Variants in RABGEF1 observed in about 807,000 individuals in gnomAD.
RABGEF1 encodes the protein rab5 GDP/GTP exchange factor.
Under a neutral mutation model 57.3 loss-of-function variants are expected in RABGEF1, and 26 were observed. The observed-to-expected ratio is 0.45, with a 90% CI of 0.33 to 0.63. The LOEUF is 0.63. Ranked by LOEUF, RABGEF1 falls within the 20% of genes least tolerant of loss-of-function variation. RABGEF1 has a pLI of 0.02. For synonymous variants in RABGEF1, 185 were observed against 210.7 expected, an observed-to-expected ratio of 0.88 and a Z score of 1.06; for missense variants, 464 against 607.6, an observed-to-expected ratio of 0.76 and a Z score of 2.48.
At chr7:66,715,209 C>G (rs1795243561) in intron 2 of RABGEF1, among the ~76,000 whole-genome samples, 2 of 152,140 alleles carry the variant, frequency 1.3e-5, no homozygotes, top group Admixed American at 6.6e-5. Context: ...CTCACTGCAT[C>G]CTCAAACTCA....
At chr7:66,671,089 C>T in the RABGEF1 span, among the ~76,000 whole-genome samples, 1 of 151,984 alleles carries the variant, frequency 6.6e-6, no homozygotes, top group African/African-American at 2.4e-5. Flanking sequence ...TCTCAAGCTC[C>T]TGGCCTTGGG....
intron 1 of RABGEF1, among the ~76,000 whole-genome samples, chr7:66,707,326 T>C (rs773750717): frequency 1.3e-5 from 2 of 152,224 alleles, no homozygotes. Flanking sequence ...GGATGTTCTA[T>C]AGATGTTCGT....
At chr7:66,727,227 G>T in intron 2 of RABGEF1, among the ~76,000 whole-genome samples, 1 of 152,146 alleles carries the variant, frequency 6.6e-6, no homozygotes, top group East Asian at 1.9e-4. Flanking sequence ...ATGGAAGGTG[G>T]GGTGGACCTC....
In RABGEF1 at chr7:66,731,701, A is replaced by G. The variant is rs538648162; in HGVS notation, c.-814-8295A>G. Reference sequence around the variant, plus strand: ...CACTGCACTCCAGCCTGGGTGACAGAGAGCGAGACCTTGTCTAACATCAGG... The same window carrying G: ...CACTGCACTCCAGCCTGGGTGACAGGGAGCGAGACCTTGTCTAACATCAGG... On this transcript the variant is annotated intron_variant and NMD_transcript_variant, in intron 2 of 9. Coordinates refer to the RABGEF1 transcript ENST00000607882. Among the ~76,000 whole-genome samples, 8 of 152,256 alleles carry G rather than the reference A, an allele frequency of 5.3e-5. 1 individual carries two copies. In the South Asian group the frequency reaches 1.7e-3, roughly 32 times the overall value.
At position 66,783,721 on chromosome 7, in the gene RABGEF1, C is replaced by G; in HGVS notation, c.393C>G (p.Thr131=). 6.2e-7 allele frequency: 1 copy of G among 1,611,570 alleles called. No homozygotes were observed. The highest frequency in any genetic ancestry group is 8.5e-7 in the Non-Finnish European group (1 of 1,178,646). ...CCAGTCCTTCCATAAACCGGCAAACCAGCATTGAAACGGATAGAGTGTCTA... is the reference window on the plus strand; with the variant it reads ...CCAGTCCTTCCATAAACCGGCAAACGAGCATTGAAACGGATAGAGTGTCTA... ...KAPSPSINRQ[T]SIETDRVSKE... Residue 131 remains threonine, a synonymous_variant, in exon 4 of 9, where the codon ACC becomes ACG. Coordinates refer to ENST00000284957, the MANE Select transcript of RABGEF1 (RefSeq NM_014504.3).
At chr7:66,687,401 C>T (rs1790834239) in intron 1 of RABGEF1, among the ~76,000 whole-genome samples, 1 of 150,026 alleles carries the variant, frequency 6.7e-6, no homozygotes, top group Non-Finnish European at 1.5e-5. Context: ...GCTGAGATTG[C>T]AGGCATGAGC....
intron 1 of RABGEF1, among the ~76,000 whole-genome samples, chr7:66,693,990 G>A (rs553345267): frequency 6.6e-6 from 1 of 152,044 alleles, no homozygotes; most frequent in South Asian, 2.1e-4. Context: ...TGTATTTTTA[G>A]TAGAGACGGG....
At chr7:66,775,487 A>C (rs1808307800) in intron 3 of RABGEF1, 94 bp downstream of exon 3, 1 of 1,458,014 alleles carries the variant, frequency 6.9e-7, no homozygotes, top group East Asian at 2.4e-5. Flanking sequence ...AATTTCTGTC[A>C]ACTTTTTGAG....
upstream of RABGEF1, among the ~76,000 whole-genome samples, chr7:66,681,093 A>G (rs1425310166): frequency 4.6e-5 from 7 of 152,116 alleles, no homozygotes; most frequent in Non-Finnish European, 8.8e-5. Flanking sequence ...AAAAGAAAAA[A>G]AGAAGACTGA....
chr7:66,809,010 C>T lies in RABGEF1; in HGVS notation c.1202C>T (p.Pro401Leu). The T allele has an allele frequency of 6.2e-7, 1 of 1,614,158 alleles. No individual in the cohort carries two copies. The highest frequency in any genetic ancestry group is 1.1e-5 in the South Asian group (1 of 91,080). The change falls in exon 9 of 9, where the codon CCT (proline) becomes CTT (leucine). Residue 401 changes from proline to leucine, a missense_variant. Coordinates refer to ENST00000284957, the MANE Select transcript of RABGEF1 (RefSeq NM_014504.3). Reference sequence around the variant, plus strand: ...AAGCAAGAAGCTGAGAGTTGGTCTCCTGATGCTTGCTTAGGCGTCAAGCAA... The same window carrying T: ...AAGCAAGAAGCTGAGAGTTGGTCTCTTGATGCTTGCTTAGGCGTCAAGCAA... The part of the protein sequence containing the change: ...PRKQEAESWS[P>L]DACLGVKQMY...
At chr7:66,670,012 C>T in the RABGEF1 span, among the ~76,000 whole-genome samples, 2 of 152,176 alleles carry the variant, frequency 1.3e-5, no homozygotes, top group Admixed American at 1.3e-4. Context: ...TCCTCTCTAC[C>T]CCCAACAGCC....
chr7:66,663,100 AGC>A, the RABGEF1 span, among the ~76,000 whole-genome samples: 1 of 152,236 alleles, frequency 6.6e-6, no homozygotes, highest in Non-Finnish European at 1.5e-5. Context: ...TAATAACATG[AGC>A]GCTCTGTGTC....
chr7:66,720,641 GGCAA>G (rs1795942026), intron 2 of RABGEF1, among the ~76,000 whole-genome samples: 1 of 152,084 alleles, frequency 6.6e-6, no homozygotes, highest in Non-Finnish European at 1.5e-5. Flanking sequence ...TTAGAAACAA[GGCAA>G]GCATGTCCAC....
chr7:66,806,379 AG>A (rs908519593), intron 8 of RABGEF1, among the ~76,000 whole-genome samples: 2 of 152,112 alleles, frequency 1.3e-5, no homozygotes, highest in African/African-American at 4.8e-5. Context: ...AAATTGTATA[AG>A]CTTCAGGTTC....
At chr7:66,737,963 G>A (rs1798203266), upstream of RABGEF1, among the ~76,000 whole-genome samples, 2 of 152,062 alleles carry the variant, frequency 1.3e-5, no homozygotes, top group Admixed American at 1.3e-4. Flanking sequence ...GTCACCTCAT[G>A]AGGCCGCTCC....
At chr7:66,665,088 G>C in the RABGEF1 span, 1 of 152,144 alleles carries the variant, frequency 6.6e-6, no homozygotes, top group Non-Finnish European at 1.5e-5. Flanking sequence ...TGGTTCCACT[G>C]TCTAGAGTCA....
At chr7:66,722,307 GT>G (rs1166826622) in intron 2 of RABGEF1, among the ~76,000 whole-genome samples, 10 of 152,184 alleles carry the variant, frequency 6.6e-5, no homozygotes, top group Non-Finnish European at 1.2e-4. Flanking sequence ...AGGCGTGGTG[GT>G]GCGCGCCTGT....
intron 1 of RABGEF1, among the ~76,000 whole-genome samples, chr7:66,690,210 T>C (rs1333164934): frequency 6.6e-6 from 1 of 150,840 alleles, no homozygotes; most frequent in Non-Finnish European, 1.5e-5. Flanking sequence ...CAACCAGTTC[T>C]CTGCCTCAGC....
At chr7:66,692,188 T>C (rs1279915809) in intron 1 of RABGEF1, among the ~76,000 whole-genome samples, 1 of 152,256 alleles carries the variant, frequency 6.6e-6, no homozygotes, top group African/African-American at 2.4e-5. Flanking sequence ...ACAATCTGCA[T>C]TGGCAGATTA....
Sources: gnomAD v4.1 joint callset for allele counts (sites outside exome capture counted in the v4.1 genomes callset) on GRCh38, gnomAD v4.1.1 for gene constraint, MANE v1.5 for transcripts, NCBI Gene and HGNC (gene_info 2026-07-23, HGNC 2026-07-21) for gene names.